CACNA2D3: variants seen among roughly 807,000 people sequenced by gnomAD.
CACNA2D3 encodes calcium voltage-gated channel auxiliary subunit alpha2delta 3, also known as voltage-dependent calcium channel subunit alpha-2/delta-3.
CACNA2D3 carries 60 observed loss-of-function variants against 160.6 expected under a neutral mutation model. The observed-to-expected ratio is 0.37, with a 90% confidence interval of 0.30 to 0.46. The LOEUF (loss-of-function observed/expected upper bound fraction) is 0.46. Ranked by LOEUF, CACNA2D3 falls within the 20% of genes least tolerant of loss-of-function variation. The pLI is 1.00. For missense variants in CACNA2D3, 1,205 were observed against 1,365.0 expected (o/e 0.88, Z 1.85); for synonymous variants, 558 against 492.9 (o/e 1.13, Z -1.75).
At chr3:54,785,713 A>G (rs72874252) in intron 13 of CACNA2D3, among the ~76,000 whole-genome samples, 7,548 of 152,250 alleles carry the variant, frequency 0.05, 592 homozygotes, top group African/African-American at 0.17. Flanking sequence ...AGACAAATCC[A>G]CTGAAGACAG....
intron 35 of CACNA2D3, among the ~76,000 whole-genome samples, chr3:55,067,804 C>G (rs940763459): frequency 1.3e-5 from 2 of 151,962 alleles, no homozygotes; most frequent in Admixed American, 1.3e-4. Flanking sequence ...TTTTTGTACT[C>G]ACTTTATGTA....
At chr3:54,364,219 A>C (rs190910475) in intron 3 of CACNA2D3, among the ~76,000 whole-genome samples, 2 of 152,276 alleles carry the variant, frequency 1.3e-5, no homozygotes, top group Non-Finnish European at 2.9e-5. Context: ...ATAATTAGTA[A>C]AGACTTTTTT....
intron 2 of CACNA2D3, among the ~76,000 whole-genome samples, chr3:54,232,020 A>G (rs1335128099): frequency 2.0e-5 from 3 of 152,244 alleles, no homozygotes; most frequent in African/African-American, 7.2e-5. Context: ...TTATTTAAGC[A>G]TAGGCATGTT....
intron 4 of CACNA2D3, among the ~76,000 whole-genome samples, chr3:54,448,064 A>G (rs1700249778): frequency 1.3e-5 from 2 of 152,198 alleles, no homozygotes; most frequent in Non-Finnish European, 2.9e-5. Context: ...CCAGGGGCTC[A>G]GACGACACCA....
intron 10 of CACNA2D3, chr3:54,637,769 A>T (rs372146366): frequency 6.6e-6 from 1 of 152,008 alleles, no homozygotes; most frequent in African/African-American, 2.4e-5. Context: ...GTAAGCCAAG[A>T]AGGAGTCAGT....
chr3:54,843,774 G>A (rs1350980612), intron 16 of CACNA2D3, among the ~76,000 whole-genome samples: 3 of 152,200 alleles, frequency 2.0e-5, no homozygotes, highest in African/African-American at 7.2e-5. Context: ...GTAGCAGGAT[G>A]GAATTGGAGC....
intron 35 of CACNA2D3, among the ~76,000 whole-genome samples, chr3:55,051,491 A>G (rs1704212817): frequency 6.6e-6 from 1 of 151,948 alleles, no homozygotes; most frequent in South Asian, 2.1e-4. Flanking sequence ...TGCTGGGAGA[A>G]CCACTGCTCT....
chr3:54,718,346 A>G (rs1701102104), intron 11 of CACNA2D3, among the ~76,000 whole-genome samples: 1 of 152,112 alleles, frequency 6.6e-6, no homozygotes, highest in Non-Finnish European at 1.5e-5. Flanking sequence ...ACAATATTAT[A>G]TTTTGGAAGC....
At chr3:54,826,061 C>T (rs1205734930) in intron 14 of CACNA2D3, among the ~76,000 whole-genome samples, 1 of 152,138 alleles carries the variant, frequency 6.6e-6, no homozygotes, top group Non-Finnish European at 1.5e-5. Context: ...TGTTTGTGCA[C>T]ATTAAAACTA....
intron 17 of CACNA2D3, among the ~76,000 whole-genome samples, chr3:54,861,748 A>G (rs189282119): frequency 2.0e-5 from 3 of 152,338 alleles, no homozygotes; most frequent in Admixed American, 1.3e-4. Flanking sequence ...AGCAATGGAC[A>G]TGGTAGGTTG....
intron 9 of CACNA2D3, among the ~76,000 whole-genome samples, chr3:54,611,912 C>T (rs1403969855): frequency 1.3e-5 from 2 of 152,092 alleles, no homozygotes; most frequent in African/African-American, 2.4e-5. Context: ...TTTTATCTTT[C>T]GAAAAGGATC....
At chr3:54,441,316 C>A (rs1267236987) in intron 4 of CACNA2D3, among the ~76,000 whole-genome samples, 2 of 152,112 alleles carry the variant, frequency 1.3e-5, no homozygotes, top group African/African-American at 4.8e-5. Flanking sequence ...TATCCTTCAC[C>A]CACTTTTTGT....
At chr3:55,050,508 T>C (rs1330353531) in intron 35 of CACNA2D3, among the ~76,000 whole-genome samples, 62 of 150,642 alleles carry the variant, frequency 4.1e-4, no homozygotes, top group African/African-American at 5.4e-4. Context: ...TGAGGGTAAC[T>C]CGACCTTTCT....
Position 54,307,625 on chromosome 3 carries a change from C to G in CACNA2D3, c.205-12817C>G, listed in dbSNP as rs372299454. ...TGCCATAAACCAGCGTCTCTTTACT[C>G]AATTTGGAGGTGAAAGAGTTAAAGA... On this transcript the variant is annotated intron_variant, in intron 2 of 37. Transcript: ENST00000474759. 6.0e-4 allele frequency among the ~76,000 whole-genome samples: 91 copies of G among 152,286 alleles called. 2 individuals carry two copies. The South Asian group carries it at 0.017, about 28-fold the overall frequency.
chr3:54,139,073 C>G (rs35822278), intron 2 of CACNA2D3, among the ~76,000 whole-genome samples: 37,521 of 152,134 alleles, frequency 0.25, 4,944 homozygotes, highest in Middle Eastern at 0.3. Flanking sequence ...TGGGGCAGCT[C>G]GCTGCTTCTC....
chr3:54,618,352 C>CATACATATATATATATATAT (rs56316245), intron 9 of CACNA2D3, among the ~76,000 whole-genome samples: 5 of 119,890 alleles, frequency 4.2e-5, no homozygotes, highest in African/African-American at 6.4e-5. Context: ...TTGATACATA[C>CATACATATATATATATATAT]ATATATATAT....
At chr3:54,326,694 G>T (rs1187958666) in intron 3 of CACNA2D3, among the ~76,000 whole-genome samples, 1 of 152,192 alleles carries the variant, frequency 6.6e-6, no homozygotes, top group Non-Finnish European at 1.5e-5. Context: ...TTTAGGAACT[G>T]AATATAGCCT....
At chr3:54,393,109 C>T (rs1575430547) in intron 4 of CACNA2D3, among the ~76,000 whole-genome samples, 1 of 152,344 alleles carries the variant, frequency 6.6e-6, no homozygotes, top group East Asian at 1.9e-4. Flanking sequence ...AGAAGGGAAG[C>T]GCCTTGCTTC....
At chr3:54,812,199 C>A (rs1482418921) in intron 13 of CACNA2D3, among the ~76,000 whole-genome samples, 3 of 152,148 alleles carry the variant, frequency 2.0e-5, no homozygotes, top group Non-Finnish European at 4.4e-5. Flanking sequence ...ACCTCATTGG[C>A]CACGACTGAA....
Sources: allele counts gnomAD v4.1 joint callset (sites outside exome capture counted in the v4.1 genomes callset), GRCh38; gene constraint gnomAD v4.1.1; transcripts MANE v1.5; gene names NCBI Gene and HGNC (gene_info 2026-07-23, HGNC 2026-07-21).